The following LAYN variants were observed in gnomAD, a reference collection of about 807,000 sequenced individuals.
LAYN encodes layilin.
Under a neutral mutation model 43.6 loss-of-function variants are expected in LAYN, and 38 were observed. That is an observed-to-expected ratio of 0.87 (90% confidence interval 0.67 to 1.14). LAYN has a LOEUF of 1.14. Among genes scored for constraint, LAYN ranks in the 50% most tolerant of loss-of-function variants. LAYN has a pLI of 0.00. For missense variants in LAYN, 479 were observed against 463.8 expected (o/e 1.03, Z -0.30); for synonymous variants, 168 against 172.9 (o/e 0.97, Z 0.22).
chr11:111,544,525 G>A (rs1177652106), intron 2 of LAYN, among the ~76,000 whole-genome samples: 1 of 152,198 alleles, frequency 6.6e-6, no homozygotes, highest in Non-Finnish European at 1.5e-5. Flanking sequence ...AGAACCTCAT[G>A]GAGAGACTGA....
chr11:111,555,090 T>C (rs1220893705), intron 4 of LAYN, 117 bp from the exon 5 acceptor site: 2 of 712,736 alleles, frequency 2.8e-6, no homozygotes, highest in African/African-American at 3.6e-5. Context: ...CGTTTATAGA[T>C]GGTGCTGGCA....
chr11:111,558,891 G>A (rs1352001267), intron 6 of LAYN, among the ~76,000 whole-genome samples: 1 of 151,694 alleles, frequency 6.6e-6, no homozygotes, highest in African/African-American at 2.4e-5. Context: ...GGGTTCAAGT[G>A]ATTCTCGTGC....
intron 3 of LAYN, among the ~76,000 whole-genome samples, chr11:111,553,747 C>CACACAT: frequency 6.6e-6 from 1 of 151,036 alleles, no homozygotes; most frequent in South Asian, 2.1e-4. Context: ...CACACACACA[C>CACACAT]ACACACTTAT....
rs1867955192 is a variant in LAYN, at chr11:111,561,413, T to C, written c.*955T>C. On this transcript the variant is annotated 3_prime_UTR_variant, in exon 7 of 7. Transcript: ENST00000375614. ...AAAATGAAATTTGAGTCTCAGCTTC[T>C]AGGCTTATGTACTCCCATCCCTGAT... The C allele has an allele frequency of 6.6e-6, 1 of 152,244 alleles. No homozygotes were observed. 9.4% of individuals were successfully genotyped at this position (152,244 alleles called of 1,614,324 possible).
chr11:111,543,827 C>A, intron 1 of LAYN, 96 bp from the exon 2 acceptor site: 1 of 1,240,880 alleles, frequency 8.1e-7, no homozygotes, highest in Non-Finnish European at 1.1e-6. Flanking sequence ...AACCAAAATT[C>A]CTACCCAGGG....
At chr11:111,545,377 A>G (rs1867632475) in intron 2 of LAYN, among the ~76,000 whole-genome samples, 1 of 152,142 alleles carries the variant, frequency 6.6e-6, no homozygotes. Context: ...CCACATCCTC[A>G]TATCTGAAGA....
chr11:111,550,865 T>C (rs1565268995), intron 3 of LAYN, among the ~76,000 whole-genome samples: 1 of 152,236 alleles, frequency 6.6e-6, no homozygotes, highest in Non-Finnish European at 1.5e-5. Context: ...TTAACAGTTT[T>C]TGAAATGTGA....
chr11:111,546,267 G>A (rs1421858260), intron 2 of LAYN, among the ~76,000 whole-genome samples: 2 of 152,066 alleles, frequency 1.3e-5, no homozygotes, highest in Admixed American at 6.6e-5. Flanking sequence ...AAACCTCCTA[G>A]TCCACAATCT....
chr11:111,547,812 C>T (rs573538254), intron 2 of LAYN, among the ~76,000 whole-genome samples: 6 of 152,136 alleles, frequency 3.9e-5, no homozygotes, highest in East Asian at 1.9e-4. Flanking sequence ...CCATCTTTCC[C>T]TGGATAAGAT....
chr11:111,545,743 C>T (rs1255785598), intron 2 of LAYN, among the ~76,000 whole-genome samples: 1 of 152,202 alleles, frequency 6.6e-6, no homozygotes, highest in Non-Finnish European at 1.5e-5. Flanking sequence ...CAAATTCCTA[C>T]GTGGGTCACT....
chr11:111,554,567 C>A lies in LAYN; in HGVS notation c.548C>A (p.Pro183Gln). ...TTGTTTCTTTCTACTACAGAGAAAC[C>A]AGCAGTTCCTTCTAGAGAAGCTGAA... The part of the protein sequence containing the change: ...NFICKYSDEK[P>Q]AVPSREAEGE... Residue 183 changes from proline to glutamine, a missense_variant, in exon 4 of 7, where the codon CCA becomes CAA. Coordinates refer to ENST00000375614, the MANE Select transcript of LAYN (RefSeq NM_178834.5). 1 of 1,612,624 alleles carries A rather than the reference C, an allele frequency of 6.2e-7. No homozygotes were observed. The highest frequency in any genetic ancestry group is 8.5e-7 in the Non-Finnish European group (1 of 1,179,430).
chr11:111,549,505 C>T lies in LAYN; in HGVS notation c.384-113C>T, dbSNP rs543824916. The T allele has an allele frequency of 1.8e-5, 16 of 881,932 alleles. No individual in the cohort carries two copies. In the South Asian group the frequency reaches 3.1e-4, roughly 17 times the overall value. The allele number at this position is 881,932 out of a possible 1,614,324, so 54.6% of individuals were successfully genotyped here. ...TTCCTACCTCTCTCTGTATCATGTT[C>T]TGAGGCAGAATCTTATGTTTATGGC... On this transcript the variant is annotated intron_variant, in intron 2 of 6. Coordinates refer to ENST00000375614, the MANE Select transcript of LAYN (RefSeq NM_178834.5).
chr11:111,555,360 A>G, intron 5 of LAYN, 70 bp downstream of exon 5: 2 of 1,128,850 alleles, frequency 1.8e-6, no homozygotes, highest in Non-Finnish European at 2.6e-6. Context: ...CCATGGTTGA[A>G]TTCCCTACTT....
At chr11:111,543,171 C>T (rs1486512820) in intron 1 of LAYN, among the ~76,000 whole-genome samples, 1 of 152,174 alleles carries the variant, frequency 6.6e-6, no homozygotes, top group African/African-American at 2.4e-5. Context: ...TGCTGATGAT[C>T]ACTGTGTGAT....
intron 1 of LAYN, chr11:111,541,265 ACGCAT>A: frequency 1.7e-6 from 1 of 594,316 alleles, no homozygotes; most frequent in Non-Finnish European, 3.0e-6. Flanking sequence ...GCTCCTTTAC[ACGCAT>A]CGAATCAGTC....
chr11:111,540,703 C>A, upstream of LAYN: 1 of 769,820 alleles, frequency 1.3e-6, no homozygotes, highest in Non-Finnish European at 1.9e-6. Context: ...GACTCCGCGC[C>A]CTCCCCCCCG....
Position 111,560,115 on chromosome 11 carries a change from C to G in LAYN, c.782C>G (p.Pro261Arg). Residue 261 changes from proline to arginine, a missense_variant, in exon 7 of 7, where the codon CCT becomes CGT. Physicochemically the swap from Pro to Arg is moderately radical, Grantham distance 103 (BLOSUM62 -2). Coordinates refer to ENST00000375614, the MANE Select transcript of LAYN (RefSeq NM_178834.5). ...CRKRKREQPD[P>R]STKKQHTIWP... ...CCTAGAAAACGGGAGCAGCCAGACC[C>G]TAGCACAAAGAAGCAACACACCATC... The G allele has an allele frequency of 5.6e-6, 9 of 1,612,434 alleles. No individual in the cohort carries two copies. Among genetic ancestry groups the G allele is most frequent in the Middle Eastern group, 1.7e-4 (1 of 6,056 alleles).
At chr11:111,551,880 G>A (rs749295143) in intron 3 of LAYN, among the ~76,000 whole-genome samples, 2 of 152,120 alleles carry the variant, frequency 1.3e-5, no homozygotes, top group Non-Finnish European at 2.9e-5. Context: ...TCTTGCTTTT[G>A]ATCATTGTAC....
chr11:111,553,719 C>CACACACACAA (rs1555017988), intron 3 of LAYN, among the ~76,000 whole-genome samples: 24 of 138,464 alleles, frequency 1.7e-4, no homozygotes, highest in Non-Finnish European at 3.1e-4. Flanking sequence ...CACCTATACA[C>CACACACACAA]ACACACACAC....
Sources: allele counts gnomAD v4.1 joint callset (sites outside exome capture counted in the v4.1 genomes callset), GRCh38; gene constraint gnomAD v4.1.1; transcripts MANE v1.5; gene names NCBI Gene and HGNC (gene_info 2026-07-23, HGNC 2026-07-21).